Variants in PPM1L observed in about 807,000 individuals in gnomAD.
The protein encoded by PPM1L is protein phosphatase, Mg2+/Mn2+ dependent 1L.
PPM1L carries 13 observed loss-of-function variants against 31.4 expected under a neutral mutation model. The ratio of observed to expected loss-of-function variants is 0.41; its 90% CI spans 0.27 to 0.66. The LOEUF (loss-of-function observed/expected upper bound fraction) is 0.66, where lower values mean the gene tolerates loss of function less well. Among genes scored for constraint, PPM1L ranks in the 30% least tolerant of loss-of-function variants. The pLI is 0.29. For missense variants in PPM1L, 326 were observed against 453.7 expected (o/e 0.72, Z 2.56); for synonymous variants, 184 against 175.4 (o/e 1.05, Z -0.39).
intron 1 of PPM1L, among the ~76,000 whole-genome samples, chr3:160,913,081 T>C (rs936105176): frequency 2.0e-5 from 3 of 152,090 alleles, no homozygotes; most frequent in African/African-American, 7.2e-5. Flanking sequence ...ATGAAGATGG[T>C]ATATGAATTT....
chr3:161,041,058 A>G (rs1363817438), intron 2 of PPM1L, among the ~76,000 whole-genome samples: 1 of 152,156 alleles, frequency 6.6e-6, no homozygotes, highest in African/African-American at 2.4e-5. Context: ...TTTGTCATCT[A>G]CTGTCTCTAA....
At chr3:160,792,014 A>C (rs1274979927) in intron 1 of PPM1L, among the ~76,000 whole-genome samples, 1 of 152,218 alleles carries the variant, frequency 6.6e-6, no homozygotes, top group Non-Finnish European at 1.5e-5. Context: ...TGCCTAAGGT[A>C]GATGGGTGTG....
chr3:160,963,145 A>G (rs1716019262), intron 2 of PPM1L, among the ~76,000 whole-genome samples: 1 of 152,036 alleles, frequency 6.6e-6, no homozygotes, highest in Non-Finnish European at 1.5e-5. Flanking sequence ...ATAGCATCTT[A>G]TAGATCATAG....
chr3:160,797,225 A>G (rs1712274545), intron 1 of PPM1L, among the ~76,000 whole-genome samples: 1 of 152,124 alleles, frequency 6.6e-6, no homozygotes, highest in Non-Finnish European at 1.5e-5. Flanking sequence ...TTATTATTAT[A>G]TCTGTCCTGG....
At chr3:161,049,077 TAAA>T (rs199940685) in intron 2 of PPM1L, among the ~76,000 whole-genome samples, 1 of 141,010 alleles carries the variant, frequency 7.1e-6, no homozygotes, top group Non-Finnish European at 1.6e-5. Context: ...CTTAAAGTAT[TAAA>T]AAAAAAAAAA....
At chr3:160,908,391 CACAA>C (rs1226543443) in intron 1 of PPM1L, among the ~76,000 whole-genome samples, 1 of 152,192 alleles carries the variant, frequency 6.6e-6, no homozygotes, top group Admixed American at 6.5e-5. Flanking sequence ...GTGTTGTTCA[CACAA>C]ACAAATAATT....
Position 160,827,481 on chromosome 3 carries a change from GTGTA to G in PPM1L, c.399+70782_399+70785del, listed in dbSNP as rs1354539658. Among the ~76,000 whole-genome samples, 16 of 150,690 alleles carry G rather than the reference GTGTA, an allele frequency of 1.1e-4. 1 individual carries two copies. Among genetic ancestry groups the G allele is most frequent in the African/African-American group, 3.4e-4 (14 of 41,170 alleles). On this transcript the variant is annotated intron_variant, in intron 1 of 3. Coordinates refer to ENST00000498165, the MANE Select transcript of PPM1L (RefSeq NM_139245.4). ...TGTGTGTGTGTGTGTGTGTGTGTGTGTGTATGTATGTGTGTGTTTTAAGCTCCAA... is the reference window on the plus strand; with the variant it reads ...TGTGTGTGTGTGTGTGTGTGTGTGTGTGTATGTGTGTGTTTTAAGCTCCAA...
At chr3:160,905,546 G>A (rs1442169428) in intron 1 of PPM1L, among the ~76,000 whole-genome samples, 3 of 152,032 alleles carry the variant, frequency 2.0e-5, no homozygotes, top group Non-Finnish European at 2.9e-5. Flanking sequence ...GACTATCTTT[G>A]TTTAATACTT....
intron 1 of PPM1L, among the ~76,000 whole-genome samples, chr3:160,867,327 CT>C (rs529507709): frequency 2.4e-3 from 297 of 123,890 alleles, no homozygotes; most frequent in Middle Eastern, 0.017. Context: ...GTTCCATGTT[CT>C]TTTTTTTTTT....
rs144375680 is a variant in PPM1L at position 160,947,652 on chromosome 3, C to T, written c.400-14084C>T. ...GGACATGTCTACTTCTGCCCACTCC[C>T]CAAGAACAGCTAAAAGAGCACACCC... On this transcript the variant is annotated intron_variant, in intron 1 of 3. Coordinates refer to ENST00000498165, the MANE Select transcript of PPM1L (RefSeq NM_139245.4). 3.8e-3 allele frequency among the ~76,000 whole-genome samples: 585 copies of T among 152,202 alleles called. 4 individuals are homozygous for T. Among genetic ancestry groups the T allele is most frequent in the African/African-American group, 0.013 (543 of 41,520 alleles).
chr3:161,035,014 G>A (rs936328897), intron 2 of PPM1L, among the ~76,000 whole-genome samples: 11 of 150,660 alleles, frequency 7.3e-5, no homozygotes, highest in African/African-American at 2.7e-4. Flanking sequence ...TGTTCTCACT[G>A]ATAAGTGAGA....
chr3:160,941,602 T>C (rs780056081), intron 1 of PPM1L, among the ~76,000 whole-genome samples: 14 of 152,102 alleles, frequency 9.2e-5, no homozygotes, highest in African/African-American at 9.7e-5. Flanking sequence ...GAAGTGCCTT[T>C]CCCCTCCCGC....
At chr3:160,971,012 C>G (rs1167888027) in intron 2 of PPM1L, among the ~76,000 whole-genome samples, 1 of 152,074 alleles carries the variant, frequency 6.6e-6, no homozygotes, top group Non-Finnish European at 1.5e-5. Flanking sequence ...AGTTATAATT[C>G]TTACACTTTC....
At chr3:160,821,515 A>G (rs1372577322) in intron 1 of PPM1L, among the ~76,000 whole-genome samples, 3 of 152,044 alleles carry the variant, frequency 2.0e-5, no homozygotes, top group African/African-American at 7.2e-5. Flanking sequence ...TTCATATGTA[A>G]TCCTTAAGAA....
intron 1 of PPM1L, among the ~76,000 whole-genome samples, chr3:160,885,695 T>C (rs140287438): frequency 6.6e-6 from 1 of 152,286 alleles, no homozygotes; most frequent in East Asian, 1.9e-4. Flanking sequence ...AACTGAGCAT[T>C]ATCCACAGAA....
At chr3:160,829,536 G>C (rs1016507432) in intron 1 of PPM1L, among the ~76,000 whole-genome samples, 1 of 152,128 alleles carries the variant, frequency 6.6e-6, no homozygotes, top group African/African-American at 2.4e-5. Context: ...GCTCTTTTGC[G>C]TTCATGTTTT....
At chr3:161,022,125 T>C in intron 2 of PPM1L, 1 of 678,118 alleles carries the variant, frequency 1.5e-6, no homozygotes, top group Non-Finnish European at 2.7e-6. Flanking sequence ...TTTTCTGTTT[T>C]AATTCCATTT....
rs955766487 is a variant in PPM1L, at chr3:161,071,043, C to T, written c.*1886C>T. ...TATCTGCCACCATTTTAGATTTAAG[C>T]ATTTGCCTATGGGGAGACACTGAAT... is the stretch of plus-strand genomic sequence containing the variant. On this transcript the variant is annotated 3_prime_UTR_variant, in exon 4 of 4. Transcript: ENST00000498165. The T allele has an allele frequency of 9.2e-5, 14 of 152,154 alleles. No homozygotes were observed. Among genetic ancestry groups the T allele is most frequent in the African/African-American group, 3.1e-4 (13 of 41,430 alleles). 9.4% of individuals were successfully genotyped at this position (152,154 alleles called of 1,614,324 possible).
chr3:160,943,225 A>T (rs951534812), intron 1 of PPM1L, among the ~76,000 whole-genome samples: 4 of 152,182 alleles, frequency 2.6e-5, no homozygotes, highest in African/African-American at 9.7e-5. Flanking sequence ...TGCATGCCAC[A>T]ACCCTCCCTT....
Sources: gnomAD v4.1 joint callset for allele counts (sites outside exome capture counted in the v4.1 genomes callset) on GRCh38, gnomAD v4.1.1 for gene constraint, MANE v1.5 for transcripts, NCBI Gene and HGNC (gene_info 2026-07-23, HGNC 2026-07-21) for gene names.